Variants in MYO3B observed in about 807,000 individuals in gnomAD.
MYO3B encodes myosin IIIB.
Under a neutral mutation model 174.6 loss-of-function variants are expected in MYO3B, and 156 were observed. That is an observed-to-expected ratio of 0.89 (90% CI 0.78 to 1.02). The LOEUF is 1.02. MYO3B is among the 50% of genes least tolerant of loss of function. The probability of loss-of-function intolerance (pLI) is 0.00; values close to 1 mark genes in which losing one functional copy is unlikely to be tolerated. For missense variants in MYO3B, 1,632 were observed against 1,639.4 expected (o/e 1.00, Z 0.08); for synonymous variants, 563 against 569.1 (o/e 0.99, Z 0.15).
chr2:170,626,711 C>A (rs1392881266), intron 32 of MYO3B, among the ~76,000 whole-genome samples: 1 of 152,208 alleles, frequency 6.6e-6, no homozygotes, highest in Non-Finnish European at 1.5e-5. Context: ...ATGTTTAGTG[C>A]ATCCTTCAGG....
At chr2:170,558,590 C>T (rs1691501623) in intron 32 of MYO3B, among the ~76,000 whole-genome samples, 1 of 152,128 alleles carries the variant, frequency 6.6e-6, no homozygotes, top group Non-Finnish European at 1.5e-5. Context: ...TTTCCCTTAA[C>T]ATTATATTTT....
intron 23 of MYO3B, among the ~76,000 whole-genome samples, chr2:170,450,036 A>G (rs1683499602): frequency 6.6e-6 from 1 of 152,244 alleles, no homozygotes; most frequent in African/African-American, 2.4e-5. Context: ...TAGGACAGCC[A>G]CTATTAAAGC....
intron 32 of MYO3B, among the ~76,000 whole-genome samples, chr2:170,596,948 C>A (rs1694189211): frequency 1.3e-5 from 2 of 152,192 alleles, no homozygotes; most frequent in South Asian, 4.1e-4. Flanking sequence ...TCTGTCTACA[C>A]ATTTTTCTGC....
chr2:170,573,359 A>G (rs1311219398), intron 32 of MYO3B, among the ~76,000 whole-genome samples: 4 of 152,068 alleles, frequency 2.6e-5, no homozygotes, highest in Admixed American at 6.6e-5. Flanking sequence ...AGAAGACTAT[A>G]GAGTGGATAC....
At chr2:170,647,037 T>G in intron 32 of MYO3B, 1 of 617,416 alleles carries the variant, frequency 1.6e-6, no homozygotes, top group Non-Finnish European at 2.7e-6. Context: ...TTAATATAAT[T>G]AAACGCATGC....
intron 32 of MYO3B, among the ~76,000 whole-genome samples, chr2:170,567,914 G>A (rs1401495406): frequency 6.6e-6 from 1 of 152,194 alleles, no homozygotes; most frequent in Non-Finnish European, 1.5e-5. Flanking sequence ...TAAAGAAGTA[G>A]TAATATAACA....
intron 7 of MYO3B, among the ~76,000 whole-genome samples, chr2:170,295,348 G>A (rs752186207): frequency 7.1e-6 from 1 of 140,278 alleles, no homozygotes; most frequent in African/African-American, 2.6e-5. Flanking sequence ...ATATTCTATT[G>A]TATTGATTTT....
At chr2:170,204,264 A>T (rs1249915924) in intron 3 of MYO3B, among the ~76,000 whole-genome samples, 1 of 152,226 alleles carries the variant, frequency 6.6e-6, no homozygotes, top group Non-Finnish European at 1.5e-5. Flanking sequence ...TTCTGAAGTA[A>T]TTTTGACTGT....
chr2:170,537,398 G>C (rs148799070), intron 30 of MYO3B, among the ~76,000 whole-genome samples: 1 of 141,158 alleles, frequency 7.1e-6, no homozygotes, highest in African/African-American at 2.7e-5. Context: ...TGGTTTTACT[G>C]CTGCTTCTTG....
chr2:170,236,276 A>T, intron 7 of MYO3B, 140 bp downstream of exon 7: 796 of 602,622 alleles, frequency 1.3e-3, no homozygotes, highest in Non-Finnish European at 1.8e-3. Context: ...TGAAAAAGCA[A>T]GGGGGGCTGG....
At chr2:170,236,280 G>A (rs1456850335) in intron 7 of MYO3B, 144 bp downstream of exon 7, 5 of 979,024 alleles carry the variant, frequency 5.1e-6, no homozygotes, top group East Asian at 2.6e-5. Flanking sequence ...AAAGCAAGGG[G>A]GGCTGGGGGG....
intron 6 of MYO3B, among the ~76,000 whole-genome samples, chr2:170,220,084 C>T (rs1021376588): frequency 6.6e-6 from 1 of 151,660 alleles, no homozygotes; most frequent in African/African-American, 2.4e-5. Flanking sequence ...CAGTGAAACC[C>T]TGTCTCTACT....
intron 32 of MYO3B, among the ~76,000 whole-genome samples, chr2:170,638,092 C>CTA (rs1491368782): frequency 2.0e-5 from 2 of 100,080 alleles, no homozygotes; most frequent in African/African-American, 9.5e-5. Context: ...CTCTCTCTCC[C>CTA]TCTCTCTCTC....
rs1012147794 is a variant in MYO3B, at chr2:170,594,820, AGC to A, written c.3733+50839_3733+50840del. ...GCCCAATGAGTATGCACTCTTTCCCAGCGCGCGCACACACACACACACACACA... is the reference window on the plus strand; with the variant it reads ...GCCCAATGAGTATGCACTCTTTCCCAGCGCGCACACACACACACACACACA... On this transcript the variant is annotated intron_variant, in intron 32 of 34. Coordinates refer to ENST00000408978, the MANE Select transcript of MYO3B (RefSeq NM_138995.5). Among the ~76,000 whole-genome samples the A allele has an allele frequency of 4.6e-5, 6 of 129,204 alleles. No homozygotes were observed. The South Asian group carries it at 7.7e-4, about 17-fold the overall frequency. 84.8% of individuals were successfully genotyped at this position (129,204 alleles called of 152,430 possible). A position where few individuals can be genotyped will look rare whatever the true frequency, so the allele number is the denominator to read the frequency against.
chr2:170,410,377 C>T (rs1279705203), intron 22 of MYO3B, among the ~76,000 whole-genome samples: 2 of 151,880 alleles, frequency 1.3e-5, no homozygotes, highest in African/African-American at 2.4e-5. Context: ...GTCAGGAGTT[C>T]GAGACCAGCC....
At chr2:170,354,037 G>A (rs1380309262) in intron 8 of MYO3B, among the ~76,000 whole-genome samples, 2 of 152,294 alleles carry the variant, frequency 1.3e-5, no homozygotes, top group Non-Finnish European at 2.9e-5. Context: ...TATTATTAAT[G>A]CATACTAGTA....
intron 12 of MYO3B, among the ~76,000 whole-genome samples, chr2:170,384,796 A>C (rs2094361465): frequency 6.6e-6 from 1 of 152,168 alleles, no homozygotes; most frequent in Non-Finnish European, 1.5e-5. Flanking sequence ...CCAATTCTCC[A>C]ACACCAACTG....
At chr2:170,261,162 T>C (rs2093342901) in intron 7 of MYO3B, among the ~76,000 whole-genome samples, 1 of 152,178 alleles carries the variant, frequency 6.6e-6, no homozygotes, top group Non-Finnish European at 1.5e-5. Flanking sequence ...TAGCTGGGAT[T>C]ACAGGCATGC....
Position 170,651,659 on chromosome 2 carries a change from A to G in MYO3B, c.3765A>G (p.Arg1255=). The change falls in exon 33 of 35, where the codon CGA becomes CGG. Residue 1255 remains arginine (R), a synonymous_variant. Coordinates refer to ENST00000408978, the MANE Select transcript of MYO3B (RefSeq NM_138995.5). ...AAAATGGTCTTGCACAGAAGCATCG[A>G]ACACCTCGCCGACGATGTCAGCAGC... ...GSENGLAQKH[R]TPRRRCQQPK... The G allele has an allele frequency of 2.5e-6, 4 of 1,614,138 alleles. No individual in the cohort carries two copies. The South Asian group carries it at 3.3e-5, about 13-fold the overall frequency.
Sources: allele counts gnomAD v4.1 joint callset (sites outside exome capture counted in the v4.1 genomes callset), GRCh38; gene constraint gnomAD v4.1.1; transcripts MANE v1.5; gene names NCBI Gene and HGNC (gene_info 2026-07-23, HGNC 2026-07-21).